The following PPP2CA variants were observed in gnomAD, a reference collection of about 807,000 sequenced individuals.
PPP2CA encodes serine/threonine-protein phosphatase 2A catalytic subunit alpha isoform.
A neutral mutation model predicts 38.8 loss-of-function variants in PPP2CA; 5 were observed. The observed-to-expected ratio is 0.13, with a 90% CI of 0.07 to 0.27. The LOEUF is 0.27. PPP2CA is among the 10% of genes least tolerant of loss of function. The pLI, the probability that PPP2CA is intolerant of heterozygous loss-of-function variation, is 1.00. For synonymous variants in PPP2CA, 152 were observed against 134.0 expected, an observed-to-expected ratio of 1.13 and a Z score of -0.93; for missense variants, 88 against 389.7, an observed-to-expected ratio of 0.23 and a Z score of 6.52.
At chr5:134,208,929 C>T (rs1288558770) in intron 1 of PPP2CA, among the ~76,000 whole-genome samples, 1 of 152,048 alleles carries the variant, frequency 6.6e-6, no homozygotes, top group Non-Finnish European at 1.5e-5. Flanking sequence ...CAGAGTATTC[C>T]CCTGACCAAT....
At chr5:134,213,472 A>T (rs1164825710) in intron 1 of PPP2CA, among the ~76,000 whole-genome samples, 2 of 152,106 alleles carry the variant, frequency 1.3e-5, no homozygotes, top group African/African-American at 4.8e-5. Context: ...CAACACACCA[A>T]AACCCCATCT....
At position 134,210,483 on chromosome 5, in the gene PPP2CA, A is replaced by G. The variant is rs1762180524; in HGVS notation, c.103-4352T>C. On this transcript the variant is annotated intron_variant, in intron 1 of 6. Coordinates refer to ENST00000481195, the MANE Select transcript of PPP2CA (RefSeq NM_002715.4). ...TTTGCTTCCCCTAAAACATTTTTCCAGGACCTCAAATTTCTTAGCTAATAT... is the reference window on the plus strand; with the variant it reads ...TTTGCTTCCCCTAAAACATTTTTCCGGGACCTCAAATTTCTTAGCTAATAT... Among the ~76,000 whole-genome samples the G allele has an allele frequency of 3.3e-5, 5 of 152,212 alleles. No homozygotes were observed. In the South Asian group the frequency reaches 1.0e-3, roughly 31 times the overall value.
In PPP2CA at chr5:134,222,258, A is replaced by AC. The variant is rs1257806149; in HGVS notation, c.102+3501dup. 4.6e-5 allele frequency among the ~76,000 whole-genome samples: 7 copies of AC among 152,296 alleles called. 1 individual carries two copies. The highest frequency in any genetic ancestry group is 2.1e-4 in the South Asian group (1 of 4,830). On this transcript the variant is annotated intron_variant, in intron 1 of 6. Coordinates refer to ENST00000481195, the MANE Select transcript of PPP2CA (RefSeq NM_002715.4). ...TAATGTTCTGTAACATGCTTCCCCC[A>AC]CCTGCTTGTCCTCAATATTCAAATC...
chr5:134,198,593 T>G (rs1420275686), intron 6 of PPP2CA, among the ~76,000 whole-genome samples: 1 of 151,882 alleles, frequency 6.6e-6, no homozygotes, highest in East Asian at 1.9e-4. Flanking sequence ...TGAGACGAAG[T>G]CTCGCTCTGT....
chr5:134,209,389 G>T (rs1445550350), intron 1 of PPP2CA, among the ~76,000 whole-genome samples: 2 of 152,098 alleles, frequency 1.3e-5, no homozygotes, highest in East Asian at 1.9e-4. Context: ...TGTTGTTTTG[G>T]TCTCAACTTA....
chr5:134,217,888 T>TGCTC (rs1262452127), intron 1 of PPP2CA, among the ~76,000 whole-genome samples: 1 of 152,236 alleles, frequency 6.6e-6, no homozygotes, highest in Non-Finnish European at 1.5e-5. Context: ...GATAGCCTAT[T>TGCTC]GCTCCTAGGC....
chr5:134,218,551 A>T (rs1389071634), intron 1 of PPP2CA, among the ~76,000 whole-genome samples: 1 of 152,222 alleles, frequency 6.6e-6, no homozygotes, highest in Non-Finnish European at 1.5e-5. Flanking sequence ...ATGCTGCTAT[A>T]TATCTACTTA....
intron 2 of PPP2CA, 70 bp downstream of exon 2, chr5:134,205,851 TG>T (rs563994357): frequency 7.7e-7 from 1 of 1,298,462 alleles, no homozygotes; most frequent in East Asian, 2.3e-5. Flanking sequence ...AGAAAATAAC[TG>T]GGGGAAAAAA....
At position 134,221,708 on chromosome 5, in the gene PPP2CA, G is replaced by C. The variant is rs546435167; in HGVS notation, c.102+4052C>G. Among the ~76,000 whole-genome samples, 3 of 152,234 alleles carry C rather than the reference G, an allele frequency of 2.0e-5. No individual in the cohort carries two copies. In the East Asian group the frequency reaches 5.8e-4, roughly 29 times the overall value. On this transcript the variant is annotated intron_variant, in intron 1 of 6. Coordinates refer to ENST00000481195, the MANE Select transcript of PPP2CA (RefSeq NM_002715.4). ...GTCTTGGCCAGGCGCGCTGGCTCAAGCCTGTAATCCCAGCACTTTGGGAGG... is the reference window on the plus strand; with the variant it reads ...GTCTTGGCCAGGCGCGCTGGCTCAACCCTGTAATCCCAGCACTTTGGGAGG...
rs1057396028 is a variant in PPP2CA at position 134,196,589 on chromosome 5, G to A, written c.*1183C>T. ...TTATCTGAGACAAATTTAACTCTAA[G>A]AACATATGACTCAACAATGTACAAA... On this transcript the variant is annotated 3_prime_UTR_variant, in exon 7 of 7. Coordinates refer to ENST00000481195, the MANE Select transcript of PPP2CA (RefSeq NM_002715.4). The A allele has an allele frequency of 6.6e-6, 1 of 152,104 alleles. No homozygotes were observed. Among genetic ancestry groups the A allele is most frequent in the African/African-American group, 2.4e-5 (1 of 41,416 alleles). The allele number at this position is 152,104 out of a possible 1,614,324, so 9.4% of individuals were successfully genotyped here.
chr5:134,210,381 T>C (rs1034467184), intron 1 of PPP2CA, among the ~76,000 whole-genome samples: 3 of 152,232 alleles, frequency 2.0e-5, no homozygotes, highest in African/African-American at 7.2e-5. Context: ...CTCTGGCATT[T>C]TGACTTCTGT....
intron 1 of PPP2CA, among the ~76,000 whole-genome samples, chr5:134,222,836 CACTA>C (rs1359571406): frequency 2.0e-5 from 3 of 152,218 alleles, no homozygotes; most frequent in Non-Finnish European, 4.4e-5. Flanking sequence ...GTATACTATA[CACTA>C]ACAACCTTGG....
chr5:134,216,105 A>G (rs1167446536), intron 1 of PPP2CA, among the ~76,000 whole-genome samples: 2 of 152,210 alleles, frequency 1.3e-5, no homozygotes, highest in African/African-American at 4.8e-5. Flanking sequence ...AACAGTACCA[A>G]TTCTGGCACT....
chr5:134,214,207 A>G (rs1052994332), intron 1 of PPP2CA, among the ~76,000 whole-genome samples: 9 of 152,126 alleles, frequency 5.9e-5, no homozygotes, highest in Admixed American at 4.6e-4. Flanking sequence ...TAACTATCTT[A>G]TTCTTACCAA....
chr5:134,209,941 G>T (rs1006798037), intron 1 of PPP2CA, among the ~76,000 whole-genome samples: 8 of 151,980 alleles, frequency 5.3e-5, no homozygotes, highest in Admixed American at 3.9e-4. Context: ...AGCCATCTGT[G>T]GTGGCACACA....
At chr5:134,212,847 G>A (rs766171341) in intron 1 of PPP2CA, among the ~76,000 whole-genome samples, 19 of 152,152 alleles carry the variant, frequency 1.2e-4, no homozygotes, top group Non-Finnish European at 2.6e-4. Flanking sequence ...CACAACATTC[G>A]CTTAAAAGCC....
chr5:134,217,056 C>A (rs1405925122), intron 1 of PPP2CA, among the ~76,000 whole-genome samples: 1 of 152,120 alleles, frequency 6.6e-6, no homozygotes. Flanking sequence ...CCAAGGCAGG[C>A]AGATCACCTG....
rs935835795 is a variant in PPP2CA, at chr5:134,197,714, C to G, written c.*58G>C. 2 of 1,374,998 alleles carry G rather than the reference C, an allele frequency of 1.5e-6. No homozygotes were observed. The highest frequency in any genetic ancestry group is 2.9e-5 in the African/African-American group (2 of 70,080). 85.2% of individuals were successfully genotyped at this position (1,374,998 alleles called of 1,614,324 possible). A position where few individuals can be genotyped will look rare whatever the true frequency, so the allele number is the denominator to read the frequency against. ...CACTTTGGAGTTACTGTTGCTCTTC[C>G]CATTTCCATTAGGTCGATATATGGT... is the stretch of plus-strand genomic sequence containing the variant. On this transcript the variant is annotated 3_prime_UTR_variant, in exon 7 of 7. Coordinates refer to ENST00000481195, the MANE Select transcript of PPP2CA (RefSeq NM_002715.4).
intron 1 of PPP2CA, among the ~76,000 whole-genome samples, chr5:134,221,525 G>T (rs145458070): frequency 4.3e-4 from 66 of 152,198 alleles, no homozygotes; most frequent in African/African-American, 1.6e-3. Context: ...AGAATACAAG[G>T]GAAATTATCT....
Sources: allele counts gnomAD v4.1 joint callset (sites outside exome capture counted in the v4.1 genomes callset), GRCh38; gene constraint gnomAD v4.1.1; transcripts MANE v1.5; gene names NCBI Gene and HGNC (gene_info 2026-07-23, HGNC 2026-07-21).